ZKSCAN5: variants seen among roughly 807,000 people sequenced by gnomAD.
ZKSCAN5 encodes the protein zinc finger protein with KRAB and SCAN domains 5.
Under a neutral mutation model 60.0 loss-of-function variants are expected in ZKSCAN5, and 28 were observed. The observed-to-expected ratio is 0.47, with a 90% CI of 0.35 to 0.64. The LOEUF is 0.64. Ranked by LOEUF, ZKSCAN5 falls within the 30% of genes least tolerant of loss-of-function variation. The pLI is 0.01. For synonymous variants in ZKSCAN5, 361 were observed against 371.2 expected, an observed-to-expected ratio of 0.97 and a Z score of 0.31; for missense variants, 881 against 1,034.6, an observed-to-expected ratio of 0.85 and a Z score of 2.04.
At chr7:99,512,934 G>A (rs530361097) in intron 3 of ZKSCAN5, among the ~76,000 whole-genome samples, 15 of 150,330 alleles carry the variant, frequency 1.0e-4, no homozygotes, top group African/African-American at 2.2e-4. Context: ...CCACTAACTC[G>A]TCATCTAGCA....
intron 2 of ZKSCAN5, among the ~76,000 whole-genome samples, chr7:99,508,463 T>C (rs1473606094): frequency 6.7e-6 from 1 of 149,214 alleles, no homozygotes; most frequent in Non-Finnish European, 1.5e-5. Context: ...GTACATAAGA[T>C]GCAATATTGG....
chr7:99,526,806 T>C (rs1383039093), intron 6 of ZKSCAN5, among the ~76,000 whole-genome samples: 2 of 152,182 alleles, frequency 1.3e-5, no homozygotes, highest in Non-Finnish European at 2.9e-5. Flanking sequence ...CTGCCTGCCT[T>C]GGCCTCCCAA....
intron 5 of ZKSCAN5, among the ~76,000 whole-genome samples, chr7:99,522,605 C>T (rs1801587456): frequency 1.3e-5 from 2 of 151,628 alleles, no homozygotes; most frequent in South Asian, 4.2e-4. Flanking sequence ...TCCCGAGTAG[C>T]TCCCGAGTAA....
intron 5 of ZKSCAN5, among the ~76,000 whole-genome samples, chr7:99,521,782 CAAT>C (rs1468175585): frequency 6.6e-6 from 1 of 151,752 alleles, no homozygotes; most frequent in Non-Finnish European, 1.5e-5. Context: ...TTGATTAAAT[CAAT>C]AATTTTATGA....
In ZKSCAN5 at chr7:99,532,441, G is replaced by A; in HGVS notation, c.*192G>A. 1 of 475,874 alleles carries A rather than the reference G, an allele frequency of 2.1e-6. No homozygotes were observed. Among genetic ancestry groups the A allele is most frequent in the Non-Finnish European group, 3.6e-6 (1 of 280,476 alleles). 29.5% of individuals were successfully genotyped at this position (475,874 alleles called of 1,614,324 possible). On this transcript the variant is annotated 3_prime_UTR_variant, in exon 7 of 7. Transcript: ENST00000326775. ...TAGAAATCTTTTCGTGTTCCCCATT[G>A]AGAAATGCTTTAGTTAGCATCTTCA...
intron 1 of ZKSCAN5, chr7:99,505,529 T>G (rs549586369): frequency 1.4e-3 from 213 of 157,556 alleles, no homozygotes; most frequent in South Asian, 0.011. Context: ...GCTGCTTCTC[T>G]TTGGGACCGA....
At chr7:99,517,597 C>T (rs1801321234) in intron 3 of ZKSCAN5, among the ~76,000 whole-genome samples, 1 of 152,176 alleles carries the variant, frequency 6.6e-6, no homozygotes, top group South Asian at 2.1e-4. Flanking sequence ...AGGAGACTCT[C>T]TTGAACCTGG....
At chr7:99,524,146 C>T (rs1801669907) in intron 5 of ZKSCAN5, among the ~76,000 whole-genome samples, 2 of 151,016 alleles carry the variant, frequency 1.3e-5, no homozygotes, top group Non-Finnish European at 1.5e-5. Flanking sequence ...TCTCAACTCA[C>T]TGCAACCTCT....
In ZKSCAN5 at chr7:99,526,169, G is replaced by A. The variant is rs115116806; in HGVS notation, c.1129G>A (p.Gly377Arg). The change falls in exon 6 of 7, where the codon GGA (glycine) becomes AGA (arginine). Residue 377 changes from glycine (G) to arginine (R), a missense_variant. Transcript: ENST00000326775. ...IHTGEKPFKC[G>R]ECGKSYNQRV... ...CACTGGAGAAAAACCGTTTAAGTGCGGAGAATGTGGGAAGAGCTACAATCA... is the reference window on the plus strand; with the variant it reads ...CACTGGAGAAAAACCGTTTAAGTGCAGAGAATGTGGGAAGAGCTACAATCA... 13 of 1,614,180 alleles carry A rather than the reference G, an allele frequency of 8.1e-6. No homozygotes were observed. In the East Asian group the frequency reaches 8.9e-5, roughly 11 times the overall value.
intron 2 of ZKSCAN5, among the ~76,000 whole-genome samples, chr7:99,511,342 A>C (rs573360457): frequency 3.1e-4 from 47 of 152,224 alleles, no homozygotes; most frequent in African/African-American, 1.0e-3. Context: ...TGACCATTCC[A>C]ATCTCCCTTC....
chr7:99,531,821 T>C lies in ZKSCAN5; in HGVS notation c.2092T>C (p.Tyr698His), dbSNP rs1182337307. ...NEKNGICEEAYSWNLTVIEDK... is the reference protein window; with the variant it reads ...NEKNGICEEAHSWNLTVIEDK... ...AAAAAATGGCATCTGTGAGGAAGCA[T>C]ATAGTTGGAACTTGACAGTGATTGA... The change falls in exon 7 of 7, where the codon TAT becomes CAT. Residue 698 changes from tyrosine (Y) to histidine (H), a missense_variant. Around this residue, in one of 5 missense-constraint regions of ZKSCAN5, gnomAD observed 112 missense variants for 182.4 expected, o/e 0.61. Coordinates refer to ENST00000326775, the MANE Select transcript of ZKSCAN5 (RefSeq NM_145102.4). 1.9e-6 allele frequency: 3 copies of C among 1,614,128 alleles called. No homozygotes were observed. The highest frequency in any genetic ancestry group is 8.5e-7 in the Non-Finnish European group (1 of 1,180,030).
chr7:99,507,481 G>GTATATA (rs1800796168), intron 2 of ZKSCAN5, among the ~76,000 whole-genome samples: 3 of 146,946 alleles, frequency 2.0e-5, no homozygotes, highest in African/African-American at 5.1e-5. Flanking sequence ...GTGTATATAT[G>GTATATA]TGTATATATG....
intron 5 of ZKSCAN5, 72 bp from the exon 6 acceptor site, chr7:99,525,741 C>T: frequency 6.5e-7 from 1 of 1,532,200 alleles, no homozygotes; most frequent in Non-Finnish European, 8.8e-7. Context: ...AGTTTCTCTT[C>T]ATTATCCCCT....
At chr7:99,520,073 C>T in intron 4 of ZKSCAN5, 96 bp from the exon 5 acceptor site, 2 of 1,538,460 alleles carry the variant, frequency 1.3e-6, no homozygotes, top group Non-Finnish European at 1.8e-6. Flanking sequence ...AGGCACAGTT[C>T]CTCCCCCTGT....
intron 5 of ZKSCAN5, 82 bp downstream of exon 5, chr7:99,520,386 G>T: frequency 6.2e-6 from 9 of 1,449,126 alleles, no homozygotes; most frequent in South Asian, 1.5e-5. Context: ...ATCTTATAAT[G>T]GCATTTATGT....
chr7:99,519,892 C>T lies in ZKSCAN5; in HGVS notation c.619C>T (p.Leu207Phe). ...KDSQELTASL[L>F]STGSQKLVKI... Reference sequence around the variant, plus strand: ...CAGCCAGGAGCTGACAGCTTCACTTCTCTCAACTGGGTCCCAGGTGAGCTG... The same window carrying T: ...CAGCCAGGAGCTGACAGCTTCACTTTTCTCAACTGGGTCCCAGGTGAGCTG... Residue 207 changes from leucine to phenylalanine, a missense_variant, in exon 4 of 7, where the codon CTC becomes TTC. By Grantham distance (22) the Leu-to-Phe change is conservative. Transcript: ENST00000326775. The T allele has an allele frequency of 6.2e-7, 1 of 1,614,196 alleles. No homozygotes were observed. Among genetic ancestry groups the T allele is most frequent in the Non-Finnish European group, 8.5e-7 (1 of 1,180,044 alleles).
rs1387166527 is a variant in ZKSCAN5, at chr7:99,532,978, G to A, written c.*729G>A. On this transcript the variant is annotated 3_prime_UTR_variant, in exon 7 of 7. Transcript: ENST00000326775. The stretch of plus-strand genomic sequence containing the variant: ...TCAGTTTGTCAATTCAGGAGAAACT[G>A]TACTGGTCAGTCACATCTTACGGCG... 5.0e-6 allele frequency: 1 copy of A among 198,476 alleles called. No homozygotes were observed. The highest frequency in any genetic ancestry group is 4.8e-5 in the Admixed American group (1 of 20,676). The allele number at this position is 198,476 out of a possible 1,614,324, so 12.3% of individuals were successfully genotyped here. A position where few individuals can be genotyped will look rare whatever the true frequency, so the allele number is the denominator to read the frequency against.
intron 5 of ZKSCAN5, among the ~76,000 whole-genome samples, chr7:99,522,875 G>A (rs938636146): frequency 2.1e-4 from 3 of 14,068 alleles, no homozygotes; most frequent in African/African-American, 1.1e-3. Flanking sequence ...GCAAGGAGGA[G>A]CAGACAGGCT....
At chr7:99,509,567 T>A (rs1800925571) in intron 2 of ZKSCAN5, among the ~76,000 whole-genome samples, 1 of 149,440 alleles carries the variant, frequency 6.7e-6, no homozygotes, top group South Asian at 2.1e-4. Flanking sequence ...CCCGGGTTCA[T>A]GCCATTCTCC....
Sources: gnomAD v4.1 joint callset for allele counts (sites outside exome capture counted in the v4.1 genomes callset) on GRCh38, gnomAD v4.1.1 for gene constraint, gnomAD v4.1.1 regional missense constraint, MANE v1.5 for transcripts, NCBI Gene and HGNC (gene_info 2026-07-23, HGNC 2026-07-21) for gene names.